The following ATG7 variants were observed in gnomAD, a reference collection of about 807,000 sequenced individuals.
ATG7 encodes ubiquitin-like modifier-activating enzyme ATG7.
In ATG7, 70 loss-of-function variants were observed where a neutral mutation model predicts 82.4. The observed-to-expected ratio is 0.85, with a 90% confidence interval of 0.70 to 1.04. The LOEUF (loss-of-function observed/expected upper bound fraction) is 1.04. ATG7 is among the 50% of genes least tolerant of loss of function. ATG7 has a pLI of 0.00. For synonymous variants in ATG7, 287 were observed against 313.0 expected (o/e 0.92, Z 0.88); for missense variants, 792 against 864.3 (o/e 0.92, Z 1.05).
chr3:11,562,141 G>A (rs2073077079), downstream of ATG7, among the ~76,000 whole-genome samples: 1 of 151,892 alleles, frequency 6.6e-6, no homozygotes, highest in Non-Finnish European at 1.5e-5. Context: ...CAAGTGATCC[G>A]CCGCCTCAAC....
intron 20 of ATG7, among the ~76,000 whole-genome samples, chr3:11,489,037 C>G (rs1201440098): frequency 6.6e-6 from 1 of 151,574 alleles, no homozygotes; most frequent in Non-Finnish European, 1.5e-5. Context: ...TGGTCCTGGA[C>G]TCTTTTTGGT....
chr3:11,575,261 C>T, the ATG7 span, among the ~76,000 whole-genome samples: 7 of 152,222 alleles, frequency 4.6e-5, no homozygotes, highest in Admixed American at 2.0e-4. Context: ...TCAGAGCAAA[C>T]GGGCGTCCAT....
the ATG7 span, chr3:11,568,688 C>T: frequency 6.5e-5 from 101 of 1,551,764 alleles, no homozygotes; most frequent in Admixed American, 2.9e-4. This position sits in a 1 kb window ranked among gnomAD's most constrained non-coding sequence, Gnocchi z 5.9. Context: ...AATCACCTCC[C>T]GGCCACTGCT....
chr3:11,517,747 GA>G (rs1225274013), intron 20 of ATG7, among the ~76,000 whole-genome samples: 4 of 152,246 alleles, frequency 2.6e-5, no homozygotes, highest in Non-Finnish European at 5.9e-5. Flanking sequence ...GATGAGAGGA[GA>G]AACCATCTGT....
chr3:11,551,759 T>C (rs893332730), intron 20 of ATG7, among the ~76,000 whole-genome samples: 1 of 151,514 alleles, frequency 6.6e-6, no homozygotes, highest in Non-Finnish European at 1.5e-5. Flanking sequence ...TTTTCTTTTT[T>C]TTTTCTCGAG....
chr3:11,297,631 T>C (rs1020767197), intron 3 of ATG7, among the ~76,000 whole-genome samples: 1 of 152,116 alleles, frequency 6.6e-6, no homozygotes, highest in Non-Finnish European at 1.5e-5. Flanking sequence ...TAATAAAATA[T>C]ATATCATGGC....
chr3:11,372,342 ATGT>A (rs938712069), intron 18 of ATG7, among the ~76,000 whole-genome samples: 2 of 151,190 alleles, frequency 1.3e-5, no homozygotes, highest in African/African-American at 2.4e-5. Flanking sequence ...TGGAACACTA[ATGT>A]TGGTGATTAT....
intron 20 of ATG7, among the ~76,000 whole-genome samples, chr3:11,449,100 ATAAC>A (rs2084859201): frequency 6.6e-6 from 1 of 152,360 alleles, no homozygotes; most frequent in African/African-American, 2.4e-5. Context: ...TTACAAATAA[ATAAC>A]AGACAAGCCT....
chr3:11,343,178 C>G (rs1384354000), intron 13 of ATG7, among the ~76,000 whole-genome samples: 1 of 152,180 alleles, frequency 6.6e-6, no homozygotes, highest in Non-Finnish European at 1.5e-5. Context: ...ATCCGCCTGC[C>G]TTGGCCTCCC....
At chr3:11,426,771 G>C (rs2082396844) in intron 19 of ATG7, 33 bp from the exon 20 acceptor site, 1 of 1,529,248 alleles carries the variant, frequency 6.5e-7, no homozygotes, top group African/African-American at 1.4e-5. Context: ...TAAGTCTGGA[G>C]ACTCCTTTTT....
At chr3:11,506,554 C>CCAA (rs2091725990) in intron 20 of ATG7, among the ~76,000 whole-genome samples, 1 of 24,920 alleles carries the variant, frequency 4.0e-5, no homozygotes, top group Non-Finnish European at 8.1e-5. Context: ...CCCATCTCTA[C>CCAA]AAAAAAAAAA....
chr3:11,383,858 T>G (rs923084919), intron 19 of ATG7, among the ~76,000 whole-genome samples: 3 of 152,210 alleles, frequency 2.0e-5, no homozygotes, highest in African/African-American at 7.2e-5. Flanking sequence ...CTTCAGTTCC[T>G]ATTTGTGCAT....
chr3:11,279,899 G>C (rs1439083866), intron 1 of ATG7, among the ~76,000 whole-genome samples: 1 of 150,104 alleles, frequency 6.7e-6, no homozygotes, highest in Non-Finnish European at 1.5e-5. Context: ...TGTCTGTTTT[G>C]GCTTCAAAAT....
rs571535837 is a variant in ATG7, at chr3:11,482,068, G to A, written c.2079+55142G>A. The stretch of plus-strand genomic sequence containing the variant: ...TCTCCACGTGTGGGAGCTCATGAGC[G>A]GTCCTAAGAATCCTCTTCTCTCTCT... On this transcript the variant is annotated intron_variant, in intron 20 of 20. Transcript: ENST00000693202. Among the ~76,000 whole-genome samples the A allele has an allele frequency of 2.2e-4, 34 of 152,282 alleles. No individual in the cohort carries two copies. In the South Asian group the frequency reaches 2.3e-3, roughly 10 times the overall value.
the ATG7 span, among the ~76,000 whole-genome samples, chr3:11,563,811 T>C: frequency 6.6e-6 from 1 of 152,198 alleles, no homozygotes; most frequent in South Asian, 2.1e-4. Context: ...TGTCAGGCTC[T>C]GAGGCAAGAT....
chr3:11,398,275 C>A (rs1390602357), intron 19 of ATG7, among the ~76,000 whole-genome samples: 3 of 152,028 alleles, frequency 2.0e-5, no homozygotes, highest in African/African-American at 7.2e-5. Context: ...AATACATATT[C>A]TTTTCAAGCA....
intron 19 of ATG7, among the ~76,000 whole-genome samples, chr3:11,396,397 G>T (rs992719150): frequency 6.6e-6 from 1 of 151,840 alleles, no homozygotes; most frequent in Non-Finnish European, 1.5e-5. Flanking sequence ...CTATGATTGT[G>T]CCCTGTACCC....
intron 1 of ATG7, among the ~76,000 whole-genome samples, chr3:11,276,737 T>C (rs1026780602): frequency 3.3e-5 from 5 of 152,192 alleles, no homozygotes; most frequent in African/African-American, 7.2e-5. Flanking sequence ...TCAATTTCCA[T>C]TGTGGGCTCC....
intron 11 of ATG7, among the ~76,000 whole-genome samples, chr3:11,335,183 A>G (rs1223281078): frequency 6.6e-6 from 1 of 151,936 alleles, no homozygotes; most frequent in African/African-American, 2.4e-5. Flanking sequence ...AGATATTTGC[A>G]TTGGATGTAG....
Sources: allele counts gnomAD v4.1 joint callset (sites outside exome capture counted in the v4.1 genomes callset), GRCh38; gene constraint gnomAD v4.1.1; non-coding constraint Gnocchi (gnomAD v3.1); transcripts MANE v1.5; gene names NCBI Gene and HGNC (gene_info 2026-07-23, HGNC 2026-07-21).